ITGB3BP: variants seen among roughly 807,000 people sequenced by gnomAD.
ITGB3BP encodes integrin subunit beta 3 binding protein, also known as centromere protein R.
A neutral mutation model predicts 29.1 loss-of-function variants in ITGB3BP; 27 were observed. The ratio of observed to expected loss-of-function variants is 0.93; its 90% CI spans 0.68 to 1.28. ITGB3BP has a LOEUF of 1.28. ITGB3BP is among the 50% of genes most tolerant of loss of function. The pLI is 0.00. For synonymous variants in ITGB3BP, 61 were observed against 61.4 expected (o/e 0.99, Z 0.03); for missense variants, 192 against 200.2 (o/e 0.96, Z 0.25).
At chr1:63,463,311 G>A (rs2100546375) in intron 4 of ITGB3BP, among the ~76,000 whole-genome samples, 1 of 147,622 alleles carries the variant, frequency 6.8e-6, no homozygotes, top group African/African-American at 2.5e-5. Context: ...TGATGGAACT[G>A]TTCTGTAACA....
chr1:63,477,716 A>G (rs1557628724), intron 4 of ITGB3BP, among the ~76,000 whole-genome samples: 1 of 148,112 alleles, frequency 6.8e-6, no homozygotes, highest in Non-Finnish European at 1.5e-5. Context: ...TGAGACAATC[A>G]GGGAAAAAAA....
chr1:63,517,740 G>GT (rs978375766), intron 1 of ITGB3BP, among the ~76,000 whole-genome samples: 3 of 151,770 alleles, frequency 2.0e-5, no homozygotes, highest in African/African-American at 7.3e-5. Context: ...TGTTGTTTTT[G>GT]TTTGTCTTGA....
chr1:63,517,915 G>A (rs768156451), intron 1 of ITGB3BP, among the ~76,000 whole-genome samples: 1 of 151,970 alleles, frequency 6.6e-6, no homozygotes, highest in African/African-American at 2.4e-5. Context: ...TAGAGACAGC[G>A]TTTTGCCATA....
chr1:63,455,252 A>G (rs1490518824), intron 4 of ITGB3BP, among the ~76,000 whole-genome samples: 27 of 152,180 alleles, frequency 1.8e-4, no homozygotes, highest in Admixed American at 1.8e-3. Context: ...GAGTCTATGA[A>G]TCAGTATCAC....
chr1:63,499,586 A>G lies in ITGB3BP; in HGVS notation c.48+8942T>C, dbSNP rs191268085. On this transcript the variant is annotated intron_variant, in intron 2 of 8. Transcript: ENST00000271002. Reference sequence around the variant, plus strand: ...ACAGACCCAAATCCCTTATAAATACAGATGTAAAAATCCTGGCAAATTGAA... The same window carrying G: ...ACAGACCCAAATCCCTTATAAATACGGATGTAAAAATCCTGGCAAATTGAA... 4.3e-4 allele frequency among the ~76,000 whole-genome samples: 66 copies of G among 152,338 alleles called. 2 individuals carry two copies. Among genetic ancestry groups the G allele is most frequent in the Non-Finnish European group, 1.5e-5 (1 of 68,018 alleles).
At chr1:63,470,689 G>A (rs1033067103) in intron 4 of ITGB3BP, among the ~76,000 whole-genome samples, 19 of 152,124 alleles carry the variant, frequency 1.2e-4, no homozygotes, top group Non-Finnish European at 1.5e-5. Flanking sequence ...CAAATTTGAG[G>A]TGACTAGGAA....
intron 1 of ITGB3BP, among the ~76,000 whole-genome samples, chr1:63,521,789 GA>G (rs369817850): frequency 6.6e-6 from 1 of 150,906 alleles, no homozygotes; most frequent in Admixed American, 6.6e-5. Context: ...CTCAAAAAAA[GA>G]AAAAAAAAGT....
chr1:63,479,642 C>A (rs893386220), intron 3 of ITGB3BP, among the ~76,000 whole-genome samples: 1 of 152,058 alleles, frequency 6.6e-6, no homozygotes, highest in Non-Finnish European at 1.5e-5. Context: ...ATTCTATTTT[C>A]TGTTCTATGA....
chr1:63,478,993 C>T (rs78019595), intron 3 of ITGB3BP, among the ~76,000 whole-genome samples, 160 bp from the exon 4 acceptor site: 1,598 of 151,814 alleles, frequency 0.011, 69 homozygotes, highest in East Asian at 0.091. Context: ...TTTCATTTCC[C>T]ATTTTCCTAA....
intron 4 of ITGB3BP, among the ~76,000 whole-genome samples, chr1:63,469,693 C>G (rs1169973675): frequency 2.6e-5 from 4 of 152,192 alleles, no homozygotes; most frequent in Non-Finnish European, 4.4e-5. Flanking sequence ...CTATAGAACA[C>G]AGTTTGGAAA....
chr1:63,525,199 C>T (rs1342507762), upstream of ITGB3BP, among the ~76,000 whole-genome samples: 1 of 152,094 alleles, frequency 6.6e-6, no homozygotes, highest in East Asian at 1.9e-4. Context: ...TGTCATCTGA[C>T]TTTCGTATTT....
At position 63,479,608 on chromosome 1, in the gene ITGB3BP, G is replaced by A. The variant is rs182480226; in HGVS notation, c.185-775C>T. ...ATGTTCCCAATCACTCGGCCCTCCC[G>A]ACCAGCAGAACTTGGTAGTCACCAT... On this transcript the variant is annotated intron_variant, in intron 3 of 8. Coordinates refer to ENST00000271002, the MANE Select transcript of ITGB3BP (RefSeq NM_014288.5). Among the ~76,000 whole-genome samples the A allele has an allele frequency of 1.1e-3, 169 of 152,006 alleles. 1 individual carries two copies. Among genetic ancestry groups the A allele is most frequent in the African/African-American group, 3.9e-3 (160 of 41,504 alleles).
chr1:63,522,463 T>A (rs542736438), intron 1 of ITGB3BP, among the ~76,000 whole-genome samples: 26 of 152,336 alleles, frequency 1.7e-4, no homozygotes, highest in Admixed American at 3.3e-4. Flanking sequence ...ATGGCTTTTT[T>A]AAGTTTCTAT....
At chr1:63,446,502 T>G in intron 8 of ITGB3BP, 1 of 290,712 alleles carries the variant, frequency 3.4e-6, no homozygotes, top group African/African-American at 2.1e-5. Context: ...TTTAGCTATT[T>G]ATATGAAAGA....
intron 2 of ITGB3BP, among the ~76,000 whole-genome samples, chr1:63,504,597 A>G (rs1203511493): frequency 6.6e-6 from 1 of 152,160 alleles, no homozygotes; most frequent in Non-Finnish European, 1.5e-5. Context: ...GCCAGTTTTC[A>G]AAGGGAATGT....
At chr1:63,475,906 G>A (rs1045118094) in intron 4 of ITGB3BP, among the ~76,000 whole-genome samples, 2 of 150,244 alleles carry the variant, frequency 1.3e-5, no homozygotes, top group Middle Eastern at 3.2e-3. Flanking sequence ...GCTGAGGCAG[G>A]AGAACAGCTT....
At chr1:63,509,013 G>A (rs1254414981) in intron 1 of ITGB3BP, among the ~76,000 whole-genome samples, 1 of 152,140 alleles carries the variant, frequency 6.6e-6, no homozygotes, top group African/African-American at 2.4e-5. Context: ...AAAGGTATGA[G>A]CATGGTGAAA....
At chr1:63,475,459 G>C (rs1196800930) in intron 4 of ITGB3BP, among the ~76,000 whole-genome samples, 2 of 152,186 alleles carry the variant, frequency 1.3e-5, no homozygotes, top group East Asian at 3.9e-4. Flanking sequence ...GGAGGCTGAG[G>C]TGGGAGGATA....
At chr1:63,457,710 C>A (rs1322086543) in intron 4 of ITGB3BP, 2 of 152,144 alleles carry the variant, frequency 1.3e-5, no homozygotes, top group South Asian at 4.1e-4. Context: ...ATTTGCCTCT[C>A]GCTAGACTAA....
Sources: gnomAD v4.1 joint callset for allele counts (sites outside exome capture counted in the v4.1 genomes callset) on GRCh38, gnomAD v4.1.1 for gene constraint, MANE v1.5 for transcripts, NCBI Gene and HGNC (gene_info 2026-07-23, HGNC 2026-07-21) for gene names.